Variants in ERH observed in about 807,000 individuals in gnomAD.
ERH encodes the protein ERH mRNA splicing and mitosis factor.
A neutral mutation model predicts 16.8 loss-of-function variants in ERH; 1 was observed. The observed-to-expected ratio is 0.06, with a 90% CI of 0.02 to 0.28. ERH has a LOEUF of 0.28. Among genes scored for constraint, ERH ranks in the 10% least tolerant of loss-of-function variants. The pLI is 1.00. For synonymous variants in ERH, 43 were observed against 43.6 expected, an observed-to-expected ratio of 0.99 and a Z score of 0.05; for missense variants, 42 against 127.5, an observed-to-expected ratio of 0.33 and a Z score of 3.23.
chr14:69,380,533 C>T lies in ERH; in HGVS notation c.*5G>A, dbSNP rs1402247859. On this transcript the variant is annotated 3_prime_UTR_variant, in exon 4 of 4. Transcript: ENST00000557016. ...ACCCCAACCCCCCCAGTGCTTCCAACACAATTATTTCCCAGCCTGTTGGGC... is the reference window on the plus strand; with the variant it reads ...ACCCCAACCCCCCCAGTGCTTCCAATACAATTATTTCCCAGCCTGTTGGGC... 9.0e-7 allele frequency: 1 copy of T among 1,113,228 alleles called. No individual in the cohort carries two copies. Among genetic ancestry groups the T allele is most frequent in the Non-Finnish European group, 1.3e-6 (1 of 741,124 alleles). The allele number at this position is 1,113,228 out of a possible 1,614,324, so 69.0% of individuals were successfully genotyped here.
chr14:69,388,037 T>C (rs1027027220), intron 2 of ERH, among the ~76,000 whole-genome samples: 1 of 150,528 alleles, frequency 6.6e-6, no homozygotes, highest in Admixed American at 6.6e-5. Flanking sequence ...AGAGCAAGAC[T>C]CTGTCTCAAA....
rs539895985 is a variant in ERH at position 69,380,730 on chromosome 14, T to C, written c.213-90A>G. On this transcript the variant is annotated intron_variant, in intron 3 of 3. Coordinates refer to ENST00000557016, the MANE Select transcript of ERH (RefSeq NM_004450.3). Reference sequence around the variant, plus strand: ...AAATTATAACTGCCCAATGATGGCATAGATGTGCACATTTCCAAAAATGAA... The same window carrying C: ...AAATTATAACTGCCCAATGATGGCACAGATGTGCACATTTCCAAAAATGAA... 3.5e-4 allele frequency: 251 copies of C among 716,588 alleles called. 1 individual carries two copies. Among genetic ancestry groups the C allele is most frequent in the East Asian group, 2.3e-3 (87 of 38,176 alleles). 44.4% of individuals were successfully genotyped at this position (716,588 alleles called of 1,614,324 possible).
chr14:69,397,993 G>A, intron 1 of ERH: 1 of 605,174 alleles, frequency 1.7e-6, no homozygotes, highest in Non-Finnish European at 2.9e-6. Flanking sequence ...TCAGGCCCAA[G>A]GCACGCCGGA....
rs545241215 is a variant in ERH at position 69,390,612 on chromosome 14, C to T, written c.92-3529G>A. Among the ~76,000 whole-genome samples, 4 of 152,282 alleles carry T rather than the reference C, an allele frequency of 2.6e-5. No homozygotes were observed. In the South Asian group the frequency reaches 8.3e-4, roughly 32 times the overall value. ...AAAATAAAGGCATTAATATTTGTGACCTTGGATAAACCAATGGTTTCTTAG... is the reference window on the plus strand; with the variant it reads ...AAAATAAAGGCATTAATATTTGTGATCTTGGATAAACCAATGGTTTCTTAG... On this transcript the variant is annotated intron_variant, in intron 2 of 3. Transcript: ENST00000557016.
At chr14:69,394,612 A>AAACG (rs1882293985) in intron 2 of ERH, among the ~76,000 whole-genome samples, 1 of 46,180 alleles carries the variant, frequency 2.2e-5, no homozygotes, top group African/African-American at 7.7e-5. Flanking sequence ...ATACATAAAT[A>AAACG]AACAAACAAA....
At chr14:69,382,567 C>T (rs1566898925) in intron 3 of ERH, among the ~76,000 whole-genome samples, 1 of 152,038 alleles carries the variant, frequency 6.6e-6, no homozygotes, top group Non-Finnish European at 1.5e-5. Flanking sequence ...GTGCCAGTGG[C>T]TCATGCCTGT....
intron 1 of ERH, among the ~76,000 whole-genome samples, chr14:69,396,793 C>A (rs922372291): frequency 2.0e-5 from 3 of 152,196 alleles, no homozygotes; most frequent in African/African-American, 7.2e-5. Context: ...CCTGTAATAA[C>A]CTGAGCAGTC....
chr14:69,390,590 AT>A (rs1433779768), intron 2 of ERH, among the ~76,000 whole-genome samples: 1 of 152,242 alleles, frequency 6.6e-6, no homozygotes, highest in African/African-American at 2.4e-5. Context: ...ATAGAAAAAA[AT>A]AAAGGCATTA....
chr14:69,389,462 T>C (rs1416944125), intron 2 of ERH, among the ~76,000 whole-genome samples: 1 of 152,162 alleles, frequency 6.6e-6, no homozygotes, highest in Non-Finnish European at 1.5e-5. Context: ...GAAAAAGAGA[T>C]AACAGGCCTT....
chr14:69,388,958 T>G (rs906845753), intron 2 of ERH, among the ~76,000 whole-genome samples: 5 of 152,078 alleles, frequency 3.3e-5, no homozygotes, highest in African/African-American at 1.2e-4. Flanking sequence ...AGTTAATGAA[T>G]GGAAAGAAAA....
At chr14:69,393,371 C>T (rs1352847336) in intron 2 of ERH, among the ~76,000 whole-genome samples, 3 of 152,074 alleles carry the variant, frequency 2.0e-5, no homozygotes, top group African/African-American at 4.8e-5. Context: ...CAGTACTATA[C>T]ACAACAGCAA....
intron 1 of ERH, 41 bp downstream of exon 1, chr14:69,398,190 C>T (rs748151044): frequency 1.9e-6 from 3 of 1,613,382 alleles, no homozygotes; most frequent in South Asian, 2.2e-5. Flanking sequence ...GCTCTGGAGG[C>T]CGGGGACTCG....
chr14:69,385,068 C>T (rs2140229610), intron 3 of ERH, among the ~76,000 whole-genome samples: 1 of 152,228 alleles, frequency 6.6e-6, no homozygotes, highest in East Asian at 1.9e-4. Flanking sequence ...AACTGATCTA[C>T]CTCTGTTTCC....
chr14:69,386,808 C>G, intron 3 of ERH, 155 bp downstream of exon 3: 1 of 609,134 alleles, frequency 1.6e-6, no homozygotes, highest in East Asian at 3.0e-5. Flanking sequence ...TTGCCAATCT[C>G]TTATTTCTGT....
At position 69,380,571 on chromosome 14, in the gene ERH, G is replaced by A. The variant is rs1232614651; in HGVS notation, c.282C>T (p.Leu94=). The A allele has an allele frequency of 1.9e-6, 3 of 1,610,354 alleles. No homozygotes were observed. The highest frequency in any genetic ancestry group is 1.3e-5 in the African/African-American group (1 of 74,898). The change falls in exon 4 of 4, where the codon CTC becomes CTT. Residue 94 remains leucine (L), a synonymous_variant. Coordinates refer to ENST00000557016, the MANE Select transcript of ERH (RefSeq NM_004450.3). ...KDWIKEKIYV[L]LRRQAQQAGK is the part of the protein sequence containing the mutation. Reference sequence around the variant, plus strand: ...CAGCCTGTTGGGCCTGCCGACGAAGGAGCACGTAGATCTTCTCTTTAATCC... The same window carrying A: ...CAGCCTGTTGGGCCTGCCGACGAAGAAGCACGTAGATCTTCTCTTTAATCC...
chr14:69,394,745 TA>T (rs1360377534), intron 2 of ERH, 79 bp downstream of exon 2: 87,378 of 686,194 alleles, frequency 0.13, no homozygotes, highest in South Asian at 0.18. Context: ...GATGGACTAT[TA>T]AAAAAAAAAA....
intron 3 of ERH, among the ~76,000 whole-genome samples, chr14:69,386,460 C>T (rs1229069931): frequency 6.6e-6 from 1 of 152,156 alleles, no homozygotes; most frequent in African/African-American, 2.4e-5. Flanking sequence ...CTTTATGCTC[C>T]TTGTTAGTAA....
At chr14:69,385,120 C>T (rs758859148) in intron 3 of ERH, among the ~76,000 whole-genome samples, 1 of 152,176 alleles carries the variant, frequency 6.6e-6, no homozygotes, top group Non-Finnish European at 1.5e-5. Context: ...CATGGTCATT[C>T]AGTCGTTGCT....
At chr14:69,387,193 G>T in intron 2 of ERH, 110 bp from the exon 3 acceptor site, 1 of 820,270 alleles carries the variant, frequency 1.2e-6, no homozygotes, top group Non-Finnish European at 1.8e-6. Flanking sequence ...CTTTAATAAA[G>T]TTGGGCTGGG....
Sources: allele counts gnomAD v4.1 joint callset (sites outside exome capture counted in the v4.1 genomes callset), GRCh38; gene constraint gnomAD v4.1.1; transcripts MANE v1.5; gene names NCBI Gene and HGNC (gene_info 2026-07-23, HGNC 2026-07-21).